The following TAOK3 variants were observed in gnomAD, a reference collection of about 807,000 sequenced individuals.
The protein encoded by TAOK3 is TAO kinase 3.
Under a neutral mutation model 120.4 loss-of-function variants are expected in TAOK3, and 40 were observed. The ratio of observed to expected loss-of-function variants is 0.33; its 90% CI spans 0.26 to 0.43. The LOEUF (loss-of-function observed/expected upper bound fraction) is 0.43, where lower values mean the gene tolerates loss of function less well. Among genes scored for constraint, TAOK3 ranks in the 20% least tolerant of loss-of-function variants. The pLI, the probability that TAOK3 is intolerant of heterozygous loss-of-function variation, is 1.00. For synonymous variants in TAOK3, 355 were observed against 387.5 expected, an observed-to-expected ratio of 0.92 and a Z score of 0.99; for missense variants, 821 against 1,112.1, an observed-to-expected ratio of 0.74 and a Z score of 3.72.
chr12:118,185,682 A>C (rs188228106), intron 14 of TAOK3, among the ~76,000 whole-genome samples: 20 of 152,344 alleles, frequency 1.3e-4, no homozygotes, highest in African/African-American at 4.3e-4. Flanking sequence ...TTCTGCATTT[A>C]TAAAAGAATA....
intron 1 of TAOK3, among the ~76,000 whole-genome samples, chr12:118,350,458 A>G (rs1351238262): frequency 6.6e-6 from 1 of 152,210 alleles, no homozygotes; most frequent in African/African-American, 2.4e-5. Flanking sequence ...CATTATATAA[A>G]GCATGTATTG....
intron 5 of TAOK3, among the ~76,000 whole-genome samples, chr12:118,240,910 A>T (rs561355788): frequency 2.9e-4 from 44 of 151,632 alleles, no homozygotes; most frequent in East Asian, 5.8e-4. Context: ...CATTACTGAG[A>T]TAATTTAGAA....
intron 3 of TAOK3, among the ~76,000 whole-genome samples, chr12:118,248,302 C>T (rs558784830): frequency 6.6e-6 from 1 of 151,404 alleles, no homozygotes; most frequent in South Asian, 2.1e-4. Context: ...ATCCACTAGA[C>T]ATAATTTTCC....
At chr12:118,244,532 TC>T (rs201546178) in intron 4 of TAOK3, among the ~76,000 whole-genome samples, 15,310 of 136,298 alleles carry the variant, frequency 0.11, 1,439 homozygotes, top group Non-Finnish European at 0.14. Flanking sequence ...TTTTTCTTTT[TC>T]TTTTTTTTTT....
intron 1 of TAOK3, among the ~76,000 whole-genome samples, chr12:118,305,630 C>T (rs558813272): frequency 3.9e-5 from 6 of 152,126 alleles, no homozygotes; most frequent in South Asian, 4.1e-4. Context: ...GGCGGCTGGG[C>T]GTGGTGGCTC....
intron 1 of TAOK3, among the ~76,000 whole-genome samples, chr12:118,278,829 T>A (rs2041993367): frequency 6.6e-6 from 1 of 152,150 alleles, no homozygotes; most frequent in South Asian, 2.1e-4. Flanking sequence ...TTTTTTGAGA[T>A]GCTGTCTTGC....
At chr12:118,340,800 G>A (rs1391199175) in intron 1 of TAOK3, among the ~76,000 whole-genome samples, 1 of 150,236 alleles carries the variant, frequency 6.7e-6, no homozygotes, top group Non-Finnish European at 1.5e-5. Context: ...AACATTGGCC[G>A]CACATGGTGG....
At chr12:118,164,440 G>A (rs181114173) in intron 17 of TAOK3, among the ~76,000 whole-genome samples, 4 of 152,104 alleles carry the variant, frequency 2.6e-5, no homozygotes, top group African/African-American at 9.6e-5. Flanking sequence ...TTTTTGAGAC[G>A]GAGTTTCTAC....
At position 118,265,116 on chromosome 12, in the gene TAOK3, C is replaced by T. The variant is rs191457131; in HGVS notation, c.-89+1539G>A. Among the ~76,000 whole-genome samples, 4 of 151,070 alleles carry T rather than the reference C, an allele frequency of 2.6e-5. No homozygotes were observed. The East Asian group carries it at 8.0e-4, about 30-fold the overall frequency. On this transcript the variant is annotated intron_variant, in intron 2 of 20. Transcript: ENST00000392533. ...CAGTTAAAAGCTATTCTGGGCCGGG[C>T]ATGGTGGCTCACATCTGAAATCCCA...
chr12:118,172,576 C>G lies in TAOK3; in HGVS notation c.1780G>C (p.Ala594Pro). ...KHKENLQHTQ[A>P]EEEAHLLTQQ... is the part of the protein sequence containing the mutation. ...GTGAGAAGGTGGGCTTCCTCTTCAGCCTGTGTGTGCTGCAAGTTCTCTTTA... is the reference window on the plus strand; with the variant it reads ...GTGAGAAGGTGGGCTTCCTCTTCAGGCTGTGTGTGCTGCAAGTTCTCTTTA... Residue 594 changes from alanine to proline, a missense_variant, in exon 17 of 21, where the codon GCT (alanine) becomes CCT (proline). Transcript: ENST00000392533. The G allele has an allele frequency of 6.2e-7, 1 of 1,614,182 alleles. No homozygotes were observed. The highest frequency in any genetic ancestry group is 8.5e-7 in the Non-Finnish European group (1 of 1,180,034).
intron 1 of TAOK3, chr12:118,297,230 G>T (rs2042717527): frequency 6.6e-6 from 1 of 152,116 alleles, no homozygotes; most frequent in Non-Finnish European, 1.5e-5. Context: ...GGGCTTAAGG[G>T]TTTAAACAAA....
intron 1 of TAOK3, among the ~76,000 whole-genome samples, chr12:118,267,853 C>A (rs1593354790): frequency 6.7e-6 from 1 of 148,400 alleles, no homozygotes; most frequent in South Asian, 2.2e-4. Flanking sequence ...CCACTGCACT[C>A]CAGCCTGGGT....
intron 1 of TAOK3, among the ~76,000 whole-genome samples, chr12:118,278,736 A>C (rs1303157335): frequency 1.3e-5 from 2 of 152,210 alleles, no homozygotes; most frequent in African/African-American, 4.8e-5. Context: ...ACAATGACTG[A>C]ACTAATTTAC....
chr12:118,348,454 CTTT>C (rs1168127251), intron 1 of TAOK3, among the ~76,000 whole-genome samples: 4 of 145,198 alleles, frequency 2.8e-5, no homozygotes, highest in Non-Finnish European at 3.0e-5. Flanking sequence ...TTCTTTCTTT[CTTT>C]TTTTTTTTTT....
At chr12:118,216,692 G>T (rs1294705411) in intron 9 of TAOK3, among the ~76,000 whole-genome samples, 1 of 152,086 alleles carries the variant, frequency 6.6e-6, no homozygotes, top group Admixed American at 6.6e-5. Flanking sequence ...ACTTTGGGAG[G>T]CTGAGGTGGG....
At chr12:118,223,261 C>T (rs945971600) in intron 9 of TAOK3, among the ~76,000 whole-genome samples, 5 of 150,574 alleles carry the variant, frequency 3.3e-5, no homozygotes, top group Admixed American at 2.0e-4. Flanking sequence ...TTAGTAGAGA[C>T]GGGGTTTCAC....
intron 1 of TAOK3, among the ~76,000 whole-genome samples, chr12:118,335,297 T>A: frequency 6.6e-6 from 1 of 150,546 alleles, no homozygotes. Flanking sequence ...AGACAGGAGG[T>A]AATACAGATC....
At chr12:118,246,227 C>G in intron 3 of TAOK3, 3 of 1,454,360 alleles carry the variant, frequency 2.1e-6, no homozygotes, top group East Asian at 2.3e-5. Context: ...GCCGAGGCCG[C>G]GGAGCTCGCG....
intron 1 of TAOK3, among the ~76,000 whole-genome samples, chr12:118,324,761 T>C (rs1427130444): frequency 7.4e-6 from 1 of 134,558 alleles, no homozygotes; most frequent in Non-Finnish European, 1.6e-5. Flanking sequence ...TTTTTTTTTT[T>C]TGAGACGGAG....
Sources: gnomAD v4.1 joint callset for allele counts (sites outside exome capture counted in the v4.1 genomes callset) on GRCh38, gnomAD v4.1.1 for gene constraint, MANE v1.5 for transcripts, NCBI Gene and HGNC (gene_info 2026-07-23, HGNC 2026-07-21) for gene names.